The following IMPG2 variants were observed in gnomAD, a reference collection of about 807,000 sequenced individuals.
IMPG2 encodes the protein interphotoreceptor matrix proteoglycan 2.
In IMPG2, 91 loss-of-function variants were observed where a neutral mutation model predicts 129.2. The ratio of observed to expected loss-of-function variants is 0.70; its 90% confidence interval spans 0.59 to 0.84. The LOEUF (loss-of-function observed/expected upper bound fraction) is 0.84, where lower values mean the gene tolerates loss of function less well. Among genes scored for constraint, IMPG2 ranks in the 40% least tolerant of loss-of-function variants. The probability of loss-of-function intolerance (pLI) is 0.00; values close to 1 mark genes in which losing one functional copy is unlikely to be tolerated. For synonymous variants in IMPG2, 510 were observed against 517.7 expected (o/e 0.99, Z 0.20); for missense variants, 1,430 against 1,461.7 (o/e 0.98, Z 0.35).
At chr3:101,242,943 G>A (rs764542865) in intron 13 of IMPG2, 36 bp from the exon 14 acceptor site, 24 of 1,556,430 alleles carry the variant, frequency 1.5e-5, no homozygotes, top group South Asian at 2.2e-5. Flanking sequence ...TATTGACAGC[G>A]TGTCACATTT....
chr3:101,235,962 G>A (rs913948593), intron 14 of IMPG2, among the ~76,000 whole-genome samples: 1 of 152,206 alleles, frequency 6.6e-6, no homozygotes, highest in African/African-American at 2.4e-5. Context: ...TGAGAGGGTG[G>A]CAGAGGAATT....
In IMPG2 at chr3:101,319,689, T is replaced by C. The variant is rs1338489360; in HGVS notation, c.229A>G (p.Ile77Val). Reference protein sequence around the residue: ...DRRETERQWLIRRRRSILFPN... With the variant: ...DRRETERQWLVRRRRSILFPN... ...AACAGAATAGATCTCCGCCTTCTGA[T>C]TAACCACTGTCTTTCAGTTTCTCTG... The change falls in exon 2 of 19, where the codon ATC (isoleucine) becomes GTC (valine). Residue 77 changes from isoleucine to valine, a missense_variant. Physicochemically the swap from Ile to Val is conservative, Grantham distance 29 (BLOSUM62 3). Transcript: ENST00000193391. 4.3e-6 allele frequency: 7 copies of C among 1,613,674 alleles called. No individual in the cohort carries two copies. The Admixed American group carries it at 5.0e-5, about 12-fold the overall frequency.
At chr3:101,239,793 A>T (rs1706386220) in intron 14 of IMPG2, among the ~76,000 whole-genome samples, 1 of 152,246 alleles carries the variant, frequency 6.6e-6, no homozygotes, top group Non-Finnish European at 1.5e-5. Flanking sequence ...GCTGGAAACC[A>T]TTATTCTCAG....
At chr3:101,277,452 T>C (rs1465471549) in intron 4 of IMPG2, among the ~76,000 whole-genome samples, 1 of 152,220 alleles carries the variant, frequency 6.6e-6, no homozygotes, top group Non-Finnish European at 1.5e-5. Flanking sequence ...TACAGTCTTA[T>C]AGAAATTATA....
chr3:101,319,433 C>T (rs1327341838), intron 2 of IMPG2, 151 bp downstream of exon 2: 1 of 950,642 alleles, frequency 1.1e-6, no homozygotes, highest in Non-Finnish European at 1.7e-6. Flanking sequence ...TCTGAAGTTA[C>T]CATTAACACT....
intron 4 of IMPG2, among the ~76,000 whole-genome samples, chr3:101,287,883 T>C (rs1377903541): frequency 6.6e-6 from 1 of 152,030 alleles, no homozygotes; most frequent in Non-Finnish European, 1.5e-5. Flanking sequence ...AAACAAAAAT[T>C]GACAAGTGGG....
chr3:101,273,810 TG>T, intron 6 of IMPG2, 68 bp from the exon 7 acceptor site: 1 of 1,430,782 alleles, frequency 7.0e-7, no homozygotes. Flanking sequence ...ATTTATTGAT[TG>T]TTTCAATGTG....
intron 11 of IMPG2, among the ~76,000 whole-genome samples, chr3:101,252,904 A>C (rs1706559372): frequency 6.6e-6 from 1 of 152,200 alleles, no homozygotes; most frequent in African/African-American, 2.4e-5. Flanking sequence ...AAAGCAAGGA[A>C]TGTAGATGAC....
chr3:101,243,653 G>T lies in IMPG2; in HGVS notation c.2678C>A (p.Thr893Asn), dbSNP rs745542376. The T allele has an allele frequency of 6.2e-7, 1 of 1,613,948 alleles. No individual in the cohort carries two copies. Among genetic ancestry groups the T allele is most frequent in the Non-Finnish European group, 8.5e-7 (1 of 1,179,956 alleles). ...PTEGGDDLSY[T>N]QTSGALVVFF... ...AACCACCAAAGCTCCTGAAGTCTGGGTATAACTCAAGTCATCTCCTCCTTC... is the reference window on the plus strand; with the variant it reads ...AACCACCAAAGCTCCTGAAGTCTGGTTATAACTCAAGTCATCTCCTCCTTC... Residue 893 changes from threonine (T) to asparagine (N), a missense_variant, in exon 13 of 19, where the codon ACC becomes AAC. Transcript: ENST00000193391.
At chr3:101,316,099 TA>T (rs1261254288) in intron 2 of IMPG2, among the ~76,000 whole-genome samples, 9 of 152,022 alleles carry the variant, frequency 5.9e-5, no homozygotes, top group Non-Finnish European at 1.2e-4. Context: ...CCATATGTCA[TA>T]ATCAAAAATT....
chr3:101,312,205 T>C (rs1287402924), intron 2 of IMPG2, among the ~76,000 whole-genome samples: 2 of 152,034 alleles, frequency 1.3e-5, no homozygotes, highest in Non-Finnish European at 2.9e-5. Flanking sequence ...TAAAAAACTT[T>C]TGTGCATGAA....
chr3:101,245,696 T>C (rs1576749051), intron 12 of IMPG2, 106 bp downstream of exon 12: 1 of 1,034,688 alleles, frequency 9.7e-7, no homozygotes, highest in African/African-American at 1.6e-5. Context: ...ATTTTCCCCC[T>C]AATGAATGCT....
At chr3:101,312,418 AGTT>A (rs1559660875) in intron 2 of IMPG2, among the ~76,000 whole-genome samples, 1 of 152,174 alleles carries the variant, frequency 6.6e-6, no homozygotes, top group Non-Finnish European at 1.5e-5. Flanking sequence ...GCATATGAAA[AGTT>A]GAACGTTATT....
At chr3:101,317,552 T>A (rs146313109) in intron 2 of IMPG2, among the ~76,000 whole-genome samples, 856 of 152,256 alleles carry the variant, frequency 5.6e-3, no homozygotes, top group Non-Finnish European at 9.5e-3. Context: ...ATACAAATTA[T>A]CTCTTCAAAA....
intron 9 of IMPG2, among the ~76,000 whole-genome samples, chr3:101,265,939 T>C (rs1343395551): frequency 6.6e-6 from 1 of 152,024 alleles, no homozygotes; most frequent in Non-Finnish European, 1.5e-5. Context: ...GGCCAAAAAA[T>C]ATATTTTAAA....
chr3:101,306,237 A>G (rs1001349645), intron 2 of IMPG2, among the ~76,000 whole-genome samples: 1 of 152,238 alleles, frequency 6.6e-6, no homozygotes, highest in Admixed American at 6.5e-5. Flanking sequence ...ATATGTTATT[A>G]TCGTGTTCAA....
At chr3:101,242,642 A>G in intron 14 of IMPG2, 46 bp downstream of exon 14, 10 of 1,354,688 alleles carry the variant, frequency 7.4e-6, no homozygotes, top group Non-Finnish European at 1.1e-5. Flanking sequence ...CACAAGAATA[A>G]TCACTGGATT....
intron 2 of IMPG2, among the ~76,000 whole-genome samples, chr3:101,309,615 T>G (rs1416100919): frequency 6.6e-6 from 1 of 152,030 alleles, no homozygotes; most frequent in East Asian, 1.9e-4. Context: ...TCTCCCCCCA[T>G]GAGGTCCCAC....
At chr3:101,265,541 A>T (rs545686892) in intron 9 of IMPG2, among the ~76,000 whole-genome samples, 1 of 152,252 alleles carries the variant, frequency 6.6e-6, no homozygotes, top group South Asian at 2.1e-4. Flanking sequence ...CTATACAAAA[A>T]ATCCACTCAA....
Sources: gnomAD v4.1 joint callset for allele counts (sites outside exome capture counted in the v4.1 genomes callset) on GRCh38, gnomAD v4.1.1 for gene constraint, MANE v1.5 for transcripts, NCBI Gene and HGNC (gene_info 2026-07-23, HGNC 2026-07-21) for gene names.